Variants in PTPRD observed in about 807,000 individuals in gnomAD.
The protein encoded by PTPRD is receptor-type tyrosine-protein phosphatase delta.
In PTPRD, 34 loss-of-function variants were observed where a neutral mutation model predicts 214.5. The observed-to-expected ratio is 0.16, with a 90% CI of 0.12 to 0.21. The LOEUF (loss-of-function observed/expected upper bound fraction) is 0.21, where lower values mean the gene tolerates loss of function less well. PTPRD is among the 10% of genes least tolerant of loss of function. The probability of loss-of-function intolerance (pLI) is 1.00; values close to 1 mark genes in which losing one functional copy is unlikely to be tolerated. For synonymous variants in PTPRD, 1,128 were observed against 845.7 expected (o/e 1.33, Z -5.79); for missense variants, 2,545 against 2,398.7 (o/e 1.06, Z -1.27).
chr9:9,173,931 G>T (rs1036652999), intron 10 of PTPRD, among the ~76,000 whole-genome samples: 1 of 152,126 alleles, frequency 6.6e-6, no homozygotes, highest in South Asian at 2.1e-4. Flanking sequence ...ATGCTCTTAT[G>T]TTAGCCTATG....
At chr9:10,341,842 C>T (rs917662335) in intron 2 of PTPRD, among the ~76,000 whole-genome samples, 3 of 150,914 alleles carry the variant, frequency 2.0e-5, no homozygotes, top group East Asian at 1.9e-4. Flanking sequence ...TTCTTTTTTC[C>T]CCTCTCCTTT....
At chr9:9,020,115 T>C (rs1413121805) in intron 10 of PTPRD, among the ~76,000 whole-genome samples, 4 of 152,308 alleles carry the variant, frequency 2.6e-5, no homozygotes, top group African/African-American at 9.6e-5. Flanking sequence ...ATTATTGTTA[T>C]CTTGATTGTG....
intron 12 of PTPRD, among the ~76,000 whole-genome samples, chr9:8,651,598 T>C (rs545217985): frequency 6.6e-6 from 1 of 152,194 alleles, no homozygotes; most frequent in Non-Finnish European, 1.5e-5. Context: ...GTAAAATAAC[T>C]CTATCAACAT....
intron 12 of PTPRD, among the ~76,000 whole-genome samples, chr9:8,651,494 C>T (rs1042845514): frequency 1.4e-4 from 21 of 152,116 alleles, no homozygotes; most frequent in Non-Finnish European, 2.9e-5. Context: ...GAAATAAACC[C>T]ATGAAGAACT....
intron 3 of PTPRD, among the ~76,000 whole-genome samples, chr9:10,058,420 C>G (rs757578598): frequency 6.6e-6 from 1 of 151,990 alleles, no homozygotes; most frequent in Admixed American, 6.6e-5. Context: ...AAACCACTTG[C>G]AATTGCTACT....
At chr9:9,659,230 TA>T (rs966508645) in intron 7 of PTPRD, among the ~76,000 whole-genome samples, 2 of 152,110 alleles carry the variant, frequency 1.3e-5, no homozygotes, top group African/African-American at 4.8e-5. Context: ...AAATTTTCCC[TA>T]AAAATTTTAC....
intron 14 of PTPRD, among the ~76,000 whole-genome samples, chr9:8,628,061 C>T (rs1002593447): frequency 6.6e-6 from 1 of 151,812 alleles, no homozygotes; most frequent in Non-Finnish European, 1.5e-5. Flanking sequence ...GCCACCCTTC[C>T]TTTTGTTTCA....
At chr9:9,250,518 T>C (rs1234244158) in intron 9 of PTPRD, among the ~76,000 whole-genome samples, 2 of 152,030 alleles carry the variant, frequency 1.3e-5, no homozygotes, top group Non-Finnish European at 2.9e-5. Context: ...ATAACCCCAA[T>C]GACAAAAGGT....
intron 9 of PTPRD, among the ~76,000 whole-genome samples, chr9:9,245,213 G>T (rs1176727085): frequency 1.3e-5 from 2 of 152,136 alleles, no homozygotes; most frequent in African/African-American, 2.4e-5. Context: ...TTTAACTATT[G>T]TGGAAAACAG....
chr9:9,369,692 A>G (rs560520322), intron 9 of PTPRD, among the ~76,000 whole-genome samples: 2,126 of 152,226 alleles, frequency 0.014, 48 homozygotes, highest in African/African-American at 0.048. Context: ...GCCCATGCCT[A>G]TGTCCTGAAT....
At chr9:9,354,504 T>C (rs2052879109) in intron 9 of PTPRD, among the ~76,000 whole-genome samples, 1 of 147,712 alleles carries the variant, frequency 6.8e-6, no homozygotes, top group Non-Finnish European at 1.5e-5. Context: ...ACTTTTCAAA[T>C]GAATTTTAAA....
intron 7 of PTPRD, among the ~76,000 whole-genome samples, chr9:9,655,713 C>T (rs2096494292): frequency 6.6e-6 from 1 of 151,990 alleles, no homozygotes; most frequent in African/African-American, 2.4e-5. Flanking sequence ...TGCGGTGGCT[C>T]ACAACTGTAA....
At chr9:9,449,852 T>A (rs529518749) in intron 8 of PTPRD, among the ~76,000 whole-genome samples, 1 of 151,906 alleles carries the variant, frequency 6.6e-6, no homozygotes, top group Non-Finnish European at 1.5e-5. Flanking sequence ...GTGTACACTA[T>A]ATACAATGTG....
chr9:9,121,127 A>C (rs1013943688), intron 10 of PTPRD, among the ~76,000 whole-genome samples: 1 of 152,212 alleles, frequency 6.6e-6, no homozygotes, highest in Non-Finnish European at 1.5e-5. Context: ...CTCTTGTAGT[A>C]AACAGAACAT....
intron 44 of PTPRD, among the ~76,000 whole-genome samples, chr9:8,331,181 G>T (rs1050916336): frequency 4.6e-5 from 7 of 152,100 alleles, no homozygotes; most frequent in Non-Finnish European, 8.8e-5. Context: ...ATTGTCATTA[G>T]GATTTATTTG....
At chr9:10,353,266 CAA>C (rs983940162) in intron 2 of PTPRD, among the ~76,000 whole-genome samples, 1 of 151,730 alleles carries the variant, frequency 6.6e-6, no homozygotes, top group Non-Finnish European at 1.5e-5. Context: ...AATGTTCTTA[CAA>C]AAAACACATC....
chr9:9,595,152 T>C (rs1364608530), intron 7 of PTPRD, among the ~76,000 whole-genome samples: 1 of 151,550 alleles, frequency 6.6e-6, no homozygotes, highest in Admixed American at 6.6e-5. Flanking sequence ...TGTAAACCAG[T>C]GCAACCGCTA....
intron 3 of PTPRD, among the ~76,000 whole-genome samples, chr9:10,057,658 C>G (rs988967042): frequency 2.6e-5 from 4 of 151,964 alleles, no homozygotes; most frequent in Non-Finnish European, 5.9e-5. Flanking sequence ...TCCTGACCAA[C>G]ATGGTGAAAC....
intron 8 of PTPRD, among the ~76,000 whole-genome samples, chr9:9,554,955 T>C (rs78732570): frequency 0.017 from 2,519 of 152,188 alleles, 39 homozygotes; most frequent in Admixed American, 0.026. Flanking sequence ...TTCTATATTA[T>C]ACAAGCTATT....
Sources: gnomAD v4.1 joint callset for allele counts (sites outside exome capture counted in the v4.1 genomes callset) on GRCh38, gnomAD v4.1.1 for gene constraint, MANE v1.5 for transcripts, NCBI Gene and HGNC (gene_info 2026-07-23, HGNC 2026-07-21) for gene names.